MTUS1: variants seen among roughly 807,000 people sequenced by gnomAD.
MTUS1 encodes microtubule associated scaffold protein 1.
MTUS1 carries 109 observed loss-of-function variants against 120.8 expected under a neutral mutation model. That is an observed-to-expected ratio of 0.90 (90% CI 0.77 to 1.06). MTUS1 has a LOEUF of 1.06. MTUS1 is among the 50% of genes least tolerant of loss of function. The pLI is 0.00. For missense variants in MTUS1, 2,210 were observed against 1,486.3 expected, an observed-to-expected ratio of 1.49 and a Z score of -8.01; for synonymous variants, 737 against 550.5, an observed-to-expected ratio of 1.34 and a Z score of -4.74.
intron 6 of MTUS1, among the ~76,000 whole-genome samples, chr8:17,695,563 G>T (rs11992129): frequency 0.39 from 59,628 of 152,028 alleles, 11,887 homozygotes; most frequent in Admixed American, 0.45. Context: ...GGTAATAGAA[G>T]CCTTGTGTCG....
intron 2 of MTUS1, among the ~76,000 whole-genome samples, chr8:17,745,973 T>C (rs906531051): frequency 1.3e-5 from 2 of 152,180 alleles, no homozygotes; most frequent in African/African-American, 4.8e-5. Flanking sequence ...TCTGGTTGTT[T>C]AAAAGGGTGT....
At chr8:17,675,996 A>G (rs909163000) in intron 7 of MTUS1, 3 of 453,048 alleles carry the variant, frequency 6.6e-6, no homozygotes, top group African/African-American at 3.9e-5. Context: ...ACACAAATAC[A>G]GTAATTACAT....
chr8:17,793,324 A>T (rs373966967), intron 1 of MTUS1, among the ~76,000 whole-genome samples: 1 of 152,200 alleles, frequency 6.6e-6, no homozygotes, highest in African/African-American at 2.4e-5. Flanking sequence ...TCAGTCGGAC[A>T]CAAGACTGAG....
At chr8:17,714,488 CT>C (rs1229060947) in intron 5 of MTUS1, among the ~76,000 whole-genome samples, 1 of 152,126 alleles carries the variant, frequency 6.6e-6, no homozygotes, top group Non-Finnish European at 1.5e-5. Flanking sequence ...AACAATGAAT[CT>C]TGACTCACAT....
intron 2 of MTUS1, among the ~76,000 whole-genome samples, chr8:17,750,525 C>G (rs942489332): frequency 2.6e-5 from 4 of 152,164 alleles, no homozygotes; most frequent in Admixed American, 6.5e-5. Flanking sequence ...GTGTATGGAG[C>G]AGAAAAGGCC....
chr8:17,759,249 T>C (rs1268284064), intron 1 of MTUS1, among the ~76,000 whole-genome samples: 1 of 151,790 alleles, frequency 6.6e-6, no homozygotes, highest in Non-Finnish European at 1.5e-5. Context: ...TGTTTGTTTT[T>C]ACCAGTTGTC....
chr8:17,708,367 TGTCAGAATGCAAATTGAAACAACAATGAG>T (rs1290275127), intron 6 of MTUS1, among the ~76,000 whole-genome samples: 10 of 152,218 alleles, frequency 6.6e-5, no homozygotes, highest in African/African-American at 2.4e-4. Flanking sequence ...TGTCACTGGC[TGTCAGAATGCAAATTGAAACAACAATGAG>T]GTATCACTTC....
intron 6 of MTUS1, among the ~76,000 whole-genome samples, chr8:17,706,848 G>T (rs1820270083): frequency 6.6e-6 from 1 of 152,178 alleles, no homozygotes; most frequent in African/African-American, 2.4e-5. Flanking sequence ...AAATGACAAA[G>T]CAGGATATAC....
chr8:17,748,445 C>G (rs2047935032), intron 2 of MTUS1, among the ~76,000 whole-genome samples: 1 of 152,040 alleles, frequency 6.6e-6, no homozygotes, highest in Admixed American at 6.6e-5. Flanking sequence ...CTTTGGGTAC[C>G]CAAAAAAGGT....
At chr8:17,719,517 A>G (rs956842047) in intron 4 of MTUS1, among the ~76,000 whole-genome samples, 9 of 152,228 alleles carry the variant, frequency 5.9e-5, no homozygotes, top group Non-Finnish European at 1.0e-4. Flanking sequence ...TCTGGATAAT[A>G]TTTCCTTTTT....
intron 1 of MTUS1, among the ~76,000 whole-genome samples, chr8:17,772,701 T>A (rs970933095): frequency 6.6e-6 from 1 of 152,208 alleles, no homozygotes; most frequent in African/African-American, 2.4e-5. Flanking sequence ...TAACCCACTA[T>A]CATTCAATGT....
At chr8:17,685,016 C>G (rs1585678596) in intron 6 of MTUS1, among the ~76,000 whole-genome samples, 1 of 152,132 alleles carries the variant, frequency 6.6e-6, no homozygotes, top group Non-Finnish European at 1.5e-5. Context: ...TGATGATGGC[C>G]TAGCCATTAC....
At chr8:17,770,508 A>C (rs1016850124) in intron 1 of MTUS1, 2 of 152,152 alleles carry the variant, frequency 1.3e-5, no homozygotes, top group African/African-American at 4.8e-5. Flanking sequence ...GTCCAAACAA[A>C]ATTTTTTAAT....
intron 1 of MTUS1, among the ~76,000 whole-genome samples, chr8:17,774,971 TAAAAA>T (rs76567642): frequency 3.6e-4 from 35 of 96,978 alleles, no homozygotes; most frequent in African/African-American, 1.3e-3. Flanking sequence ...ATATTATAAG[TAAAAA>T]AAAAAAAAAA....
At chr8:17,758,959 G>T (rs1043941329) in intron 1 of MTUS1, among the ~76,000 whole-genome samples, 4 of 152,218 alleles carry the variant, frequency 2.6e-5, no homozygotes, top group Non-Finnish European at 4.4e-5. Context: ...TCGGCTCACT[G>T]CAACGTCCGC....
At chr8:17,773,373 C>A (rs1216817243) in intron 1 of MTUS1, among the ~76,000 whole-genome samples, 1 of 152,096 alleles carries the variant, frequency 6.6e-6, no homozygotes, top group Non-Finnish European at 1.5e-5. Flanking sequence ...CTGAAACAAG[C>A]CAAAAAGCCC....
rs17853231 is a variant in MTUS1, at chr8:17,654,587, T to G, written c.3188A>C (p.Lys1063Thr). The change falls in exon 10 of 15, where the codon AAG (lysine) becomes ACG (threonine). Residue 1063 changes from lysine to threonine, a missense_variant. Coordinates refer to ENST00000693296, the MANE Select transcript of MTUS1 (RefSeq NM_001363059.2). ...TGAAAGGGAGGCTTCATAGGCCTTC[T>G]TTAGCAATTCAAGTTTCTCTGAGTG... ...ASHSEKLELL[K>T]KAYEASLSEI... The G allele has an allele frequency of 6.5e-5, 105 of 1,613,626 alleles. No homozygotes were observed. The highest frequency in any genetic ancestry group is 1.3e-5 in the African/African-American group (1 of 74,948).
intron 6 of MTUS1, among the ~76,000 whole-genome samples, chr8:17,702,153 C>T (rs1296375185): frequency 1.3e-5 from 2 of 152,182 alleles, no homozygotes; most frequent in African/African-American, 2.4e-5. Flanking sequence ...ACAGAATTCC[C>T]GGGTGGAAGG....
intron 7 of MTUS1, chr8:17,676,489 G>A (rs534938573): frequency 5.0e-6 from 3 of 603,314 alleles, no homozygotes; most frequent in East Asian, 5.6e-5. Context: ...GCAGGTTACC[G>A]TGTGCCTCGG....
Sources: allele counts gnomAD v4.1 joint callset (sites outside exome capture counted in the v4.1 genomes callset), GRCh38; gene constraint gnomAD v4.1.1; transcripts MANE v1.5; gene names NCBI Gene and HGNC (gene_info 2026-07-23, HGNC 2026-07-21).